Variants in PLEKHG1 observed in about 807,000 individuals in gnomAD.
The protein encoded by PLEKHG1 is pleckstrin homology domain-containing family G member 1.
PLEKHG1 carries 44 observed loss-of-function variants against 100.8 expected under a neutral mutation model. The observed-to-expected ratio is 0.44, with a 90% CI of 0.34 to 0.56. PLEKHG1 has a LOEUF of 0.56. Among genes scored for constraint, PLEKHG1 ranks in the 20% least tolerant of loss-of-function variants. The pLI is 0.01. For synonymous variants in PLEKHG1, 640 were observed against 662.5 expected (o/e 0.97, Z 0.52); for missense variants, 1,545 against 1,720.9 (o/e 0.90, Z 1.81).
intron 14 of PLEKHG1, among the ~76,000 whole-genome samples, chr6:150,823,988 G>T (rs949805510): frequency 6.6e-6 from 1 of 152,100 alleles, no homozygotes; most frequent in African/African-American, 2.4e-5. Context: ...GTGCTCACGT[G>T]AGCCACCTCA....
intron 1 of PLEKHG1, among the ~76,000 whole-genome samples, chr6:150,617,855 G>A (rs1777134491): frequency 6.6e-6 from 1 of 152,300 alleles, no homozygotes; most frequent in East Asian, 1.9e-4. Context: ...AAGGCCTGGG[G>A]TGTGGGAACA....
intron 7 of PLEKHG1, among the ~76,000 whole-genome samples, chr6:150,806,684 C>T (rs2103712): frequency 1.3e-3 from 191 of 145,140 alleles, no homozygotes; most frequent in African/African-American, 4.5e-3. Flanking sequence ...AAAAATTAGC[C>T]GGGCGTGGTG....
intron 1 of PLEKHG1, among the ~76,000 whole-genome samples, chr6:150,604,663 G>A (rs1019699358): frequency 5.3e-5 from 8 of 152,146 alleles, no homozygotes; most frequent in Admixed American, 1.3e-4. Flanking sequence ...AGATCATTTC[G>A]TCACTCGGTT....
chr6:150,779,349 T>TTTTTTTTTTTTTTG (rs1554272291), intron 3 of PLEKHG1, among the ~76,000 whole-genome samples: 15 of 144,952 alleles, frequency 1.0e-4, no homozygotes, highest in African/African-American at 3.0e-4. Context: ...AAGAAGTTTT[T>TTTTTTTTTTTTTTG]TTTTTTTTTT....
chr6:150,696,459 G>A (rs554028886), intron 3 of PLEKHG1, among the ~76,000 whole-genome samples: 4 of 152,256 alleles, frequency 2.6e-5, no homozygotes, highest in South Asian at 2.1e-4. Flanking sequence ...ATTAAACACT[G>A]TGAATATCTC....
chr6:150,782,027 C>G (rs1583118542), intron 3 of PLEKHG1, among the ~76,000 whole-genome samples: 1 of 152,114 alleles, frequency 6.6e-6, no homozygotes, highest in Non-Finnish European at 1.5e-5. Flanking sequence ...ATCCACCCGC[C>G]TTGGCCTCCC....
intron 10 of PLEKHG1, among the ~76,000 whole-genome samples, chr6:150,810,406 G>A (rs915941237): frequency 3.3e-5 from 5 of 150,836 alleles, no homozygotes; most frequent in Admixed American, 2.6e-4. Flanking sequence ...CTACAGGTGC[G>A]CACCACCACA....
intron 3 of PLEKHG1, among the ~76,000 whole-genome samples, chr6:150,710,491 G>C (rs145473214): frequency 2.0e-5 from 3 of 152,070 alleles, no homozygotes; most frequent in African/African-American, 7.2e-5. Flanking sequence ...CATGGTTACC[G>C]CCCAAGCAGC....
intron 4 of PLEKHG1, among the ~76,000 whole-genome samples, chr6:150,795,523 C>G (rs1786273186): frequency 6.6e-6 from 1 of 151,968 alleles, no homozygotes; most frequent in African/African-American, 2.4e-5. Context: ...CTACATACCT[C>G]GTTTCTTTGG....
At chr6:150,827,572 G>A (rs934799911) in intron 14 of PLEKHG1, 1 of 657,668 alleles carries the variant, frequency 1.5e-6, no homozygotes, top group Non-Finnish European at 2.8e-6. Flanking sequence ...CACTGTGCCT[G>A]GCCAAAACTG....
chr6:150,774,246 C>T (rs918884870), intron 3 of PLEKHG1, among the ~76,000 whole-genome samples: 2 of 152,068 alleles, frequency 1.3e-5, no homozygotes, highest in African/African-American at 4.8e-5. Flanking sequence ...CATTGGCGTC[C>T]TTATCTTCTT....
chr6:150,673,148 T>C (rs531212657), intron 3 of PLEKHG1, among the ~76,000 whole-genome samples: 3 of 152,346 alleles, frequency 2.0e-5, no homozygotes, highest in South Asian at 2.1e-4. Flanking sequence ...TTTTGGCATG[T>C]ATCTGCAGTT....
exon 16 of PLEKHG1, chr6:150,843,471 A>T (rs773091454): frequency 2.0e-5 from 3 of 152,178 alleles, no homozygotes; most frequent in Admixed American, 6.5e-5. Context: ...AGTTATATGT[A>T]CTTTAAAGTA....
At chr6:150,804,155 T>TATATATATATATATATATATATATATATA (rs1554276213) in intron 6 of PLEKHG1, among the ~76,000 whole-genome samples, 3 of 30,274 alleles carry the variant, frequency 9.9e-5, no homozygotes, top group African/African-American at 4.3e-4. Flanking sequence ...TGTAAATATT[T>TATATATATATATATATATATATATATATA]TATATATATA....
intron 1 of PLEKHG1, among the ~76,000 whole-genome samples, chr6:150,603,169 T>C (rs539076764): frequency 6.7e-6 from 1 of 150,302 alleles, no homozygotes; most frequent in African/African-American, 2.4e-5. Flanking sequence ...TAATGCGAAA[T>C]GTTGGTGTAT....
intron 2 of PLEKHG1, among the ~76,000 whole-genome samples, chr6:150,748,283 C>T (rs1783275522): frequency 1.3e-5 from 2 of 150,458 alleles, no homozygotes; most frequent in South Asian, 4.2e-4. Flanking sequence ...TCCATTCATC[C>T]ATTGATGCAC....
chr6:150,663,815 G>A (rs1249202569), intron 3 of PLEKHG1: 2 of 152,256 alleles, frequency 1.3e-5, no homozygotes, highest in African/African-American at 4.8e-5. Context: ...GCCTCCCGAA[G>A]TACTGGGATT....
chr6:150,779,229 C>G (rs1785158883), intron 3 of PLEKHG1, among the ~76,000 whole-genome samples: 1 of 152,040 alleles, frequency 6.6e-6, no homozygotes, highest in Admixed American at 6.5e-5. Flanking sequence ...TGGAGCCTGG[C>G]TGGGTCCCCG....
intron 3 of PLEKHG1, among the ~76,000 whole-genome samples, chr6:150,774,983 C>G (rs2128643879): frequency 6.6e-6 from 1 of 152,126 alleles, no homozygotes; most frequent in African/African-American, 2.4e-5. Context: ...ATTTAAATTG[C>G]TGTTTCACAA....
Sources: gnomAD v4.1 joint callset for allele counts (sites outside exome capture counted in the v4.1 genomes callset) on GRCh38, gnomAD v4.1.1 for gene constraint, MANE v1.5 for transcripts, NCBI Gene and HGNC (gene_info 2026-07-23, HGNC 2026-07-21) for gene names.